ALDH1A2: variants seen among roughly 807,000 people sequenced by gnomAD.
ALDH1A2 encodes aldehyde dehydrogenase 1 family member A2.
In ALDH1A2, 27 loss-of-function variants were observed where a neutral mutation model predicts 60.3. The observed-to-expected ratio is 0.45, with a 90% CI of 0.33 to 0.62. ALDH1A2 has a LOEUF of 0.62. ALDH1A2 is among the 20% of genes least tolerant of loss of function. The pLI is 0.02. For missense variants in ALDH1A2, 581 were observed against 643.8 expected (o/e 0.90, Z 1.06); for synonymous variants, 289 against 232.4 (o/e 1.24, Z -2.21).
intron 7 of ALDH1A2, among the ~76,000 whole-genome samples, chr15:57,988,482 C>A (rs1218337680): frequency 6.6e-6 from 1 of 151,984 alleles, no homozygotes; most frequent in Non-Finnish European, 1.5e-5. Context: ...TGTTGAACAA[C>A]AAAAATGAAA....
At chr15:58,033,825 TTCTC>T (rs1896307909) in intron 1 of ALDH1A2, among the ~76,000 whole-genome samples, 1 of 148,796 alleles carries the variant, frequency 6.7e-6, no homozygotes, top group African/African-American at 2.5e-5. Flanking sequence ...CTTGGTTCTC[TTCTC>T]TATTTCACTT....
At chr15:58,046,178 G>T (rs143351842) in intron 1 of ALDH1A2, among the ~76,000 whole-genome samples, 1 of 152,160 alleles carries the variant, frequency 6.6e-6, no homozygotes, top group Admixed American at 6.5e-5. Flanking sequence ...CTCCAAGGAA[G>T]GTAGTCTGAC....
rs531117139 is a variant in ALDH1A2 at position 58,012,997 on chromosome 15, G to A, written c.363+861C>T. Among the ~76,000 whole-genome samples, 260 of 152,244 alleles carry A rather than the reference G, an allele frequency of 1.7e-3. 1 individual carries two copies. The highest frequency in any genetic ancestry group is 6.2e-3 in the African/African-American group (256 of 41,542). ...TTTCCAAAAAGTTTATATTCTCTAAGAAATTGACTTTTATTTTAAAAACAG... is the reference window on the plus strand; with the variant it reads ...TTTCCAAAAAGTTTATATTCTCTAAAAAATTGACTTTTATTTTAAAAACAG... On this transcript the variant is annotated intron_variant, in intron 3 of 12. Coordinates refer to ENST00000249750, the MANE Select transcript of ALDH1A2 (RefSeq NM_003888.4).
At chr15:58,059,236 A>G (rs2140583786) in intron 1 of ALDH1A2, among the ~76,000 whole-genome samples, 1 of 152,378 alleles carries the variant, frequency 6.6e-6, no homozygotes, top group South Asian at 2.1e-4. Flanking sequence ...GTGACATTAC[A>G]GCAATCACCT....
intron 1 of ALDH1A2, among the ~76,000 whole-genome samples, chr15:58,041,927 C>A (rs539326326): frequency 6.6e-6 from 1 of 151,844 alleles, no homozygotes; most frequent in South Asian, 2.1e-4. Context: ...AACACCATAT[C>A]GTAGTAAGTT....
At chr15:57,978,450 G>T (rs2140470913) in intron 7 of ALDH1A2, among the ~76,000 whole-genome samples, 1 of 152,304 alleles carries the variant, frequency 6.6e-6, no homozygotes, top group African/African-American at 2.4e-5. Context: ...TAATCATGTG[G>T]TTTTTGTCAT....
At chr15:58,061,619 A>AAAAAAAAAAAAT in intron 1 of ALDH1A2, among the ~76,000 whole-genome samples, 1 of 150,038 alleles carries the variant, frequency 6.7e-6, no homozygotes, top group Non-Finnish European at 1.5e-5. Context: ...ACAAAAAAAA[A>AAAAAAAAAAAAT]AAAAAAACGG....
chr15:58,046,113 T>C (rs1713897667), intron 1 of ALDH1A2, among the ~76,000 whole-genome samples: 1 of 152,038 alleles, frequency 6.6e-6, no homozygotes, highest in Non-Finnish European at 1.5e-5. Flanking sequence ...ACAAAGGCTT[T>C]CTGCCAATAA....
chr15:57,975,019 C>T (rs1894200442), intron 7 of ALDH1A2, among the ~76,000 whole-genome samples: 2 of 152,232 alleles, frequency 1.3e-5, no homozygotes, highest in South Asian at 4.1e-4. Context: ...TGAGACAATG[C>T]TATATACCTA....
intron 7 of ALDH1A2, among the ~76,000 whole-genome samples, chr15:57,988,836 AG>A (rs1894798441): frequency 6.6e-6 from 1 of 152,100 alleles, no homozygotes; most frequent in Non-Finnish European, 1.5e-5. Flanking sequence ...CTGGCCTGAA[AG>A]AGGAGATTCC....
intron 1 of ALDH1A2, among the ~76,000 whole-genome samples, chr15:58,027,065 C>G (rs557308123): frequency 2.0e-5 from 3 of 152,318 alleles, no homozygotes; most frequent in African/African-American, 7.2e-5. Context: ...AATGGACAAA[C>G]TGCCTCCTCA....
intron 1 of ALDH1A2, among the ~76,000 whole-genome samples, chr15:58,031,041 A>G (rs2704196): frequency 0.54 from 82,464 of 151,506 alleles, 24,398 homozygotes; most frequent in African/African-American, 0.79. Context: ...AAGTTCACAT[A>G]GAACCAAAAA....
chr15:57,976,431 G>C (rs994116714), intron 7 of ALDH1A2, among the ~76,000 whole-genome samples: 1 of 151,894 alleles, frequency 6.6e-6, no homozygotes, highest in Admixed American at 6.6e-5. Context: ...CCCCTAGCCC[G>C]ACAGGCCCCG....
chr15:58,001,550 T>C (rs1397745807), intron 4 of ALDH1A2, among the ~76,000 whole-genome samples: 1 of 151,880 alleles, frequency 6.6e-6, no homozygotes, highest in African/African-American at 2.4e-5. Flanking sequence ...ATGGAGACAG[T>C]GTTAATTCTC....
At chr15:58,010,089 T>C (rs1325792088) in intron 4 of ALDH1A2, among the ~76,000 whole-genome samples, 3 of 152,124 alleles carry the variant, frequency 2.0e-5, no homozygotes, top group Non-Finnish European at 4.4e-5. Context: ...TGAATCTTAA[T>C]AATAAAAAGG....
intron 4 of ALDH1A2, among the ~76,000 whole-genome samples, chr15:58,005,979 A>G (rs1895438573): frequency 6.6e-6 from 1 of 151,788 alleles, no homozygotes; most frequent in African/African-American, 2.4e-5. Context: ...ATAAGTACAG[A>G]GTGTTCTCAG....
At chr15:57,957,674 C>T (rs1360568858) in intron 12 of ALDH1A2, among the ~76,000 whole-genome samples, 1 of 152,050 alleles carries the variant, frequency 6.6e-6, no homozygotes, top group Non-Finnish European at 1.5e-5. Context: ...GGTTCTAGTC[C>T]CTAAGATAAA....
intron 7 of ALDH1A2, among the ~76,000 whole-genome samples, chr15:57,986,509 C>T: frequency 7.2e-6 from 1 of 138,050 alleles, no homozygotes. Flanking sequence ...ACAACAAAAT[C>T]TCTAAGTTCA....
rs372144647 is a variant in ALDH1A2 at position 57,999,763 on chromosome 15, T to C, written c.494-4624A>G. ...ATTCTGTTATAAAGATACATGCATG[T>C]GTATGTTCATTGCAGCACTATTCAC... On this transcript the variant is annotated intron_variant, in intron 4 of 12. Transcript: ENST00000249750. 5.9e-5 allele frequency among the ~76,000 whole-genome samples: 9 copies of C among 151,898 alleles called. No individual in the cohort carries two copies. The East Asian group carries it at 1.5e-3, about 26-fold the overall frequency.
Sources: gnomAD v4.1 joint callset for allele counts (sites outside exome capture counted in the v4.1 genomes callset) on GRCh38, gnomAD v4.1.1 for gene constraint, MANE v1.5 for transcripts, NCBI Gene and HGNC (gene_info 2026-07-23, HGNC 2026-07-21) for gene names.